The following TERB2 variants were observed in gnomAD, a reference collection of about 807,000 sequenced individuals.
The protein encoded by TERB2 is telomere repeats-binding bouquet formation protein 2.
In TERB2, 26 loss-of-function variants were observed where a neutral mutation model predicts 29.8. The observed-to-expected ratio is 0.87, with a 90% CI of 0.64 to 1.21. The LOEUF is 1.21. TERB2 is among the 50% of genes most tolerant of loss of function. The pLI is 0.00. For synonymous variants in TERB2, 80 were observed against 90.8 expected, an observed-to-expected ratio of 0.88 and a Z score of 0.68; for missense variants, 240 against 268.6, an observed-to-expected ratio of 0.89 and a Z score of 0.74.
chr15:44,975,918 G>A (rs572880626), intron 6 of TERB2, among the ~76,000 whole-genome samples: 22 of 152,246 alleles, frequency 1.4e-4, no homozygotes, highest in Admixed American at 6.5e-4. Context: ...ACTAATAATT[G>A]TAAATACTTT....
chr15:44,978,522 T>C lies in TERB2; in HGVS notation c.557T>C (p.Leu186Pro), dbSNP rs1330829662. ...TCAATTGATGCCATGAAGAAATTCCTTGGGGAGCTACATGACTTCATTCCT... is the reference window on the plus strand; with the variant it reads ...TCAATTGATGCCATGAAGAAATTCCCTGGGGAGCTACATGACTTCATTCCT... ...YISIDAMKKF[L>P]GELHDFIPGT... Residue 186 changes from leucine to proline, a missense_variant, in exon 7 of 7, where the codon CTT (leucine) becomes CCT (proline). Physicochemically the swap from Leu to Pro is moderately conservative, Grantham distance 98. Transcript: ENST00000340827. 1.2e-6 allele frequency: 2 copies of C among 1,607,340 alleles called. No homozygotes were observed. Among genetic ancestry groups the C allele is most frequent in the Non-Finnish European group, 8.5e-7 (1 of 1,176,510 alleles).
At chr15:44,962,007 A>G (rs1417267304) in intron 4 of TERB2, among the ~76,000 whole-genome samples, 6 of 152,042 alleles carry the variant, frequency 3.9e-5, no homozygotes, top group Non-Finnish European at 5.9e-5. Context: ...GCACAGATTA[A>G]GAAATTTAAA....
chr15:44,967,075 G>C (rs1891902967), intron 5 of TERB2, among the ~76,000 whole-genome samples: 1 of 152,100 alleles, frequency 6.6e-6, no homozygotes, highest in African/African-American at 2.4e-5. Context: ...CTCTAGCCTG[G>C]GTGACAGAAC....
intron 3 of TERB2, among the ~76,000 whole-genome samples, chr15:44,960,734 T>C (rs1891787679): frequency 6.6e-6 from 1 of 152,162 alleles, no homozygotes; most frequent in Non-Finnish European, 1.5e-5. Flanking sequence ...AGTACCTACA[T>C]GTAGCTAGTG....
At chr15:44,969,645 T>A (rs1891939723) in intron 5 of TERB2, among the ~76,000 whole-genome samples, 1 of 150,330 alleles carries the variant, frequency 6.7e-6, no homozygotes, top group Non-Finnish European at 1.5e-5. Flanking sequence ...AAAAAAAAAA[T>A]TAACTGGGTG....
intron 5 of TERB2, chr15:44,971,193 C>T (rs1424458172): frequency 2.6e-5 from 4 of 152,444 alleles, no homozygotes; most frequent in Admixed American, 6.6e-5. Context: ...TACTTAGAGC[C>T]GCCACGGAGT....
chr15:44,958,583 T>C (rs1891757270), intron 3 of TERB2, 71 bp downstream of exon 3: 3 of 1,416,716 alleles, frequency 2.1e-6, no homozygotes, highest in Non-Finnish European at 1.9e-6. Flanking sequence ...AACAGCCAAA[T>C]TCAACTGTAC....
In TERB2 at chr15:44,961,585, G is replaced by GT. The variant is rs1891804211; in HGVS notation, c.348+2dup. 6.3e-7 allele frequency: 1 copy of GT among 1,581,118 alleles called. No homozygotes were observed. The highest frequency in any genetic ancestry group is 1.4e-5 in the African/African-American group (1 of 73,370). ...AGACCAACATTTTCTGATAGAAAAG[G>GT]TAAGAGTAAATTAAGGTACTTGATT... On this transcript the variant is annotated splice_donor_variant, in intron 4 of 6. Transcript: ENST00000340827. LOFTEE classifies it high-confidence loss of function.
chr15:44,960,938 A>G (rs886323342), intron 3 of TERB2, among the ~76,000 whole-genome samples: 4 of 151,960 alleles, frequency 2.6e-5, no homozygotes, highest in African/African-American at 4.8e-5. Flanking sequence ...CTATATCTAT[A>G]TATGTGTATC....
chr15:44,973,285 T>C (rs1891997483), intron 5 of TERB2, among the ~76,000 whole-genome samples: 1 of 152,180 alleles, frequency 6.6e-6, no homozygotes, highest in Non-Finnish European at 1.5e-5. Flanking sequence ...TAAAATAGAA[T>C]CTACTATGCT....
At chr15:44,974,981 G>GT (rs1442463240) in intron 6 of TERB2, among the ~76,000 whole-genome samples, 45 of 151,998 alleles carry the variant, frequency 3.0e-4, no homozygotes, top group Non-Finnish European at 3.4e-4. Context: ...CCTACATTTG[G>GT]ACATGTAATA....
intron 2 of TERB2, 123 bp from the exon 3 acceptor site, chr15:44,958,250 C>T (rs1373757244): frequency 2.6e-6 from 3 of 1,142,548 alleles, no homozygotes; most frequent in Non-Finnish European, 2.4e-6. Flanking sequence ...CAGAAAAGGA[C>T]AGCATACATG....
intron 5 of TERB2, among the ~76,000 whole-genome samples, chr15:44,968,215 T>C (rs888773183): frequency 1.3e-5 from 2 of 151,272 alleles, no homozygotes; most frequent in African/African-American, 4.9e-5. Context: ...GTGATAACCT[T>C]CATTTTTTGT....
At chr15:44,969,386 G>C (rs1891935501) in intron 5 of TERB2, among the ~76,000 whole-genome samples, 1 of 152,060 alleles carries the variant, frequency 6.6e-6, no homozygotes, top group Non-Finnish European at 1.5e-5. Flanking sequence ...GGGATTATAG[G>C]TGTGCGCCAA....
intron 6 of TERB2, among the ~76,000 whole-genome samples, chr15:44,974,480 T>C (rs1029584521): frequency 2.2e-4 from 34 of 152,322 alleles, no homozygotes; most frequent in African/African-American, 8.2e-4. Context: ...CAGAAGCCTA[T>C]ACATGGATTA....
chr15:44,978,827 T>G lies in TERB2; in HGVS notation c.*199T>G, dbSNP rs1377736563. On this transcript the variant is annotated 3_prime_UTR_variant, in exon 7 of 7. Coordinates refer to ENST00000340827, the MANE Select transcript of TERB2 (RefSeq NM_152448.3). ...ATTTTTCCCCTAGCTTTTAACAACATGTTCAAATATTCTCAATGCACAGTT... is the reference window on the plus strand; with the variant it reads ...ATTTTTCCCCTAGCTTTTAACAACAGGTTCAAATATTCTCAATGCACAGTT... The G allele has an allele frequency of 1.7e-6, 1 of 584,456 alleles. No homozygotes were observed. The highest frequency in any genetic ancestry group is 4.3e-5 in the East Asian group (1 of 23,436). The allele number at this position is 584,456 out of a possible 1,614,324, so 36.2% of individuals were successfully genotyped here.
intron 4 of TERB2, among the ~76,000 whole-genome samples, chr15:44,961,932 TC>T (rs1227506678): frequency 6.6e-6 from 1 of 152,136 alleles, no homozygotes; most frequent in African/African-American, 2.4e-5. Flanking sequence ...ACTCTGGCCC[TC>T]AAGTGATCCG....
At chr15:44,960,095 A>G (rs2141238775) in intron 3 of TERB2, among the ~76,000 whole-genome samples, 1 of 152,314 alleles carries the variant, frequency 6.6e-6, no homozygotes, top group Admixed American at 6.5e-5. Flanking sequence ...TATATTGTAG[A>G]ATGGCTGTGA....
chr15:44,975,250 G>A (rs1459682980), intron 6 of TERB2, among the ~76,000 whole-genome samples: 2 of 151,880 alleles, frequency 1.3e-5, no homozygotes, highest in Non-Finnish European at 2.9e-5. Flanking sequence ...AATTTCTTGG[G>A]AGAAATCTTC....
Sources: allele counts gnomAD v4.1 joint callset (sites outside exome capture counted in the v4.1 genomes callset), GRCh38; gene constraint gnomAD v4.1.1; transcripts MANE v1.5; gene names NCBI Gene and HGNC (gene_info 2026-07-23, HGNC 2026-07-21).